The following QTMAN variants were observed in gnomAD, a reference collection of about 807,000 sequenced individuals.
The protein encoded by QTMAN is tRNA-queuosine alpha-mannosyltransferase.
At chr2:144,007,304 C>T in the QTMAN span, 9 of 1,612,914 alleles carry the variant, frequency 5.6e-6, no homozygotes, top group Middle Eastern at 1.7e-4. Context: ...AATTATCTGA[C>T]GAGGTGGATT....
chr2:144,047,753 TAGAA>T, the QTMAN span, among the ~76,000 whole-genome samples: 1 of 152,344 alleles, frequency 6.6e-6, no homozygotes, highest in Admixed American at 6.5e-5. Flanking sequence ...CTATTATGGT[TAGAA>T]AGAGACAATT....
At chr2:143,976,819 C>G in the QTMAN span, among the ~76,000 whole-genome samples, 1 of 152,188 alleles carries the variant, frequency 6.6e-6, no homozygotes, top group Admixed American at 6.5e-5. Context: ...TGACAAAGAC[C>G]AACAACATCC....
the QTMAN span, among the ~76,000 whole-genome samples, chr2:144,329,724 T>C: frequency 6.6e-6 from 1 of 152,184 alleles, no homozygotes; most frequent in South Asian, 2.1e-4. Flanking sequence ...GCTACCTCTT[T>C]CAATATTGGA....
chr2:144,079,801 T>C, the QTMAN span, among the ~76,000 whole-genome samples: 1 of 152,156 alleles, frequency 6.6e-6, no homozygotes, highest in Non-Finnish European at 1.5e-5. Flanking sequence ...GATAATTGCA[T>C]ATTACATAGA....
the QTMAN span, among the ~76,000 whole-genome samples, chr2:144,183,763 C>G: frequency 2.0e-5 from 3 of 152,194 alleles, no homozygotes; most frequent in Non-Finnish European, 4.4e-5. Flanking sequence ...CATGTGCGGA[C>G]ATCTTGAAGA....
At chr2:144,260,267 T>C in the QTMAN span, among the ~76,000 whole-genome samples, 8 of 152,274 alleles carry the variant, frequency 5.3e-5, no homozygotes, top group Middle Eastern at 3.4e-3. Flanking sequence ...AAAAATAGTA[T>C]GTAGGATACT....
At chr2:144,226,516 T>C in the QTMAN span, among the ~76,000 whole-genome samples, 6 of 152,154 alleles carry the variant, frequency 3.9e-5, no homozygotes, top group Non-Finnish European at 5.9e-5. Flanking sequence ...TACATTGTGA[T>C]TATGTAAGAA....
the QTMAN span, among the ~76,000 whole-genome samples, chr2:143,961,397 A>G: frequency 9.9e-5 from 15 of 152,174 alleles, no homozygotes; most frequent in African/African-American, 3.6e-4. Flanking sequence ...TATAGCAACT[A>G]CATCCTAAGA....
the QTMAN span, among the ~76,000 whole-genome samples, chr2:144,169,289 G>A: frequency 1.3e-5 from 2 of 152,074 alleles, no homozygotes; most frequent in Non-Finnish European, 2.9e-5. Context: ...ATATAAATCA[G>A]AGACAATTTG....
the QTMAN span, among the ~76,000 whole-genome samples, chr2:144,031,605 A>G: frequency 2.6e-5 from 4 of 152,204 alleles, no homozygotes; most frequent in African/African-American, 9.7e-5. Context: ...AAAGTACCCA[A>G]AGAATTTTAG....
the QTMAN span, chr2:144,007,322 G>C: frequency 3.1e-6 from 5 of 1,613,066 alleles, no homozygotes; most frequent in South Asian, 5.5e-5. Flanking sequence ...ATTTTTTCAA[G>C]TCTGATTCCT....
chr2:144,081,495 C>G, the QTMAN span, among the ~76,000 whole-genome samples: 1 of 152,098 alleles, frequency 6.6e-6, no homozygotes, highest in Non-Finnish European at 1.5e-5. Flanking sequence ...CTAGGGAAAT[C>G]TGACAGGAGC....
chr2:143,986,731 A>G, the QTMAN span, among the ~76,000 whole-genome samples: 1 of 152,246 alleles, frequency 6.6e-6, no homozygotes, highest in Non-Finnish European at 1.5e-5. Flanking sequence ...CCTTGGGGAC[A>G]TAACACATTA....
At chr2:143,973,788 C>CAA in the QTMAN span, among the ~76,000 whole-genome samples, 9,564 of 89,098 alleles carry the variant, frequency 0.11, 564 homozygotes, top group African/African-American at 0.22. Flanking sequence ...AACTCCGTCT[C>CAA]AAAAAAAAAA....
the QTMAN span, among the ~76,000 whole-genome samples, chr2:144,192,650 A>G: frequency 6.6e-6 from 1 of 152,252 alleles, no homozygotes; most frequent in South Asian, 2.1e-4. Context: ...ACTAATTTAC[A>G]TAAGATCTCT....
At chr2:143,981,299 A>G in the QTMAN span, among the ~76,000 whole-genome samples, 44 of 152,284 alleles carry the variant, frequency 2.9e-4, no homozygotes, top group African/African-American at 1.0e-3. Context: ...TTTTAAAACT[A>G]TAGTAGGATA....
chr2:144,123,060 C>T, the QTMAN span, among the ~76,000 whole-genome samples: 257 of 150,534 alleles, frequency 1.7e-3, no homozygotes, highest in Non-Finnish European at 2.0e-3. Flanking sequence ...TCTTTTTACA[C>T]ACCATATAAT....
chr2:144,192,398 C>A, the QTMAN span, among the ~76,000 whole-genome samples: 1 of 152,238 alleles, frequency 6.6e-6, no homozygotes, highest in Admixed American at 6.5e-5. Context: ...TAAGCCAATG[C>A]ACCTGGCCTA....
At chr2:144,059,190 T>G in the QTMAN span, among the ~76,000 whole-genome samples, 1 of 152,182 alleles carries the variant, frequency 6.6e-6, no homozygotes, top group Admixed American at 6.5e-5. Context: ...TTCCAGAACA[T>G]GCCATAGTTT....
Sources: gnomAD v4.1 joint callset for allele counts (sites outside exome capture counted in the v4.1 genomes callset) on GRCh38, gnomAD v4.1.1 for gene constraint, MANE v1.5 for transcripts, NCBI Gene and HGNC (gene_info 2026-07-23, HGNC 2026-07-21) for gene names.